SLMAP: variants seen among roughly 807,000 people sequenced by gnomAD.
SLMAP encodes sarcolemmal membrane-associated protein.
Under a neutral mutation model 128.8 loss-of-function variants are expected in SLMAP, and 44 were observed. The ratio of observed to expected loss-of-function variants is 0.34; its 90% confidence interval spans 0.27 to 0.44. SLMAP has a LOEUF of 0.44. SLMAP is among the 20% of genes least tolerant of loss of function. The probability of loss-of-function intolerance (pLI) is 1.00; values close to 1 mark genes in which losing one functional copy is unlikely to be tolerated. For synonymous variants in SLMAP, 327 were observed against 348.8 expected (o/e 0.94, Z 0.70); for missense variants, 787 against 985.3 (o/e 0.80, Z 2.69).
intron 6 of SLMAP, among the ~76,000 whole-genome samples, chr3:57,851,681 C>T (rs1417400046): frequency 2.0e-5 from 3 of 151,554 alleles, no homozygotes; most frequent in Non-Finnish European, 4.4e-5. Flanking sequence ...TTTTAGGTTT[C>T]ACCATGTTGG....
intron 14 of SLMAP, among the ~76,000 whole-genome samples, chr3:57,876,617 T>G (rs2095609056): frequency 6.6e-6 from 1 of 152,222 alleles, no homozygotes; most frequent in Non-Finnish European, 1.5e-5. Context: ...TCTCTGCAAA[T>G]TTTAGTTACT....
intron 2 of SLMAP, among the ~76,000 whole-genome samples, chr3:57,826,626 C>T (rs182794180): frequency 1.3e-5 from 2 of 152,262 alleles, no homozygotes; most frequent in African/African-American, 2.4e-5. Flanking sequence ...GCAGTTTTCC[C>T]TCAGTTTGGA....
chr3:57,820,527 A>G (rs1466656645), intron 2 of SLMAP, among the ~76,000 whole-genome samples: 1 of 152,108 alleles, frequency 6.6e-6, no homozygotes, highest in Non-Finnish European at 1.5e-5. Flanking sequence ...CGCCCCCACT[A>G]CCACCCCATC....
chr3:57,818,506 A>G (rs1051803180), intron 2 of SLMAP, among the ~76,000 whole-genome samples: 1 of 152,218 alleles, frequency 6.6e-6, no homozygotes, highest in African/African-American at 2.4e-5. Flanking sequence ...CATCTGCCTC[A>G]TGAGAGTGTT....
intron 23 of SLMAP, among the ~76,000 whole-genome samples, chr3:57,923,883 A>G (rs2096957745): frequency 3.3e-5 from 5 of 152,368 alleles, no homozygotes; most frequent in Admixed American, 2.6e-4. Flanking sequence ...TGCTAAAGAA[A>G]GTCTTAGTTT....
At chr3:57,758,363 C>T (rs1252088707) in intron 2 of SLMAP, among the ~76,000 whole-genome samples, 1 of 152,208 alleles carries the variant, frequency 6.6e-6, no homozygotes, top group Non-Finnish European at 1.5e-5. Flanking sequence ...AGGTTTGATA[C>T]ATACTTGCCC....
intron 14 of SLMAP, among the ~76,000 whole-genome samples, chr3:57,880,035 T>G (rs2095695573): frequency 1.3e-5 from 2 of 152,064 alleles, no homozygotes; most frequent in South Asian, 4.2e-4. Context: ...AGGGAAGGGC[T>G]TCCTCCCTGT....
intron 2 of SLMAP, among the ~76,000 whole-genome samples, chr3:57,805,884 C>T (rs911153915): frequency 6.6e-6 from 1 of 152,078 alleles, no homozygotes; most frequent in Non-Finnish European, 1.5e-5. Flanking sequence ...TTTCAAGTCC[C>T]CTCCCTACTT....
chr3:57,894,196 A>G (rs2096175799), intron 15 of SLMAP, among the ~76,000 whole-genome samples: 1 of 152,174 alleles, frequency 6.6e-6, no homozygotes, highest in Non-Finnish European at 1.5e-5. Flanking sequence ...GTAAATGTCC[A>G]CCATGTCCCT....
intron 2 of SLMAP, among the ~76,000 whole-genome samples, chr3:57,828,489 T>G (rs1025267675): frequency 2.0e-5 from 3 of 152,054 alleles, no homozygotes; most frequent in African/African-American, 7.2e-5. Flanking sequence ...TACAGAGGGT[T>G]AGGGGGATGA....
Position 57,831,365 on chromosome 3 carries a change from T to G in SLMAP, c.199-18T>G. ...CTATTAATATTTGGCCCTTTTTTGT[T>G]TTTGTTTTTTTTTGCAGTTTTATCT... is the stretch of plus-strand genomic sequence containing the variant. On this transcript the variant is annotated intron_variant, in intron 2 of 24. Coordinates refer to ENST00000671191, the MANE Select transcript of SLMAP (RefSeq NM_001377540.1). 1 of 1,463,642 alleles carries G rather than the reference T, an allele frequency of 6.8e-7. No homozygotes were observed. The highest frequency in any genetic ancestry group is 9.1e-7 in the Non-Finnish European group (1 of 1,095,602). 90.7% of individuals were successfully genotyped at this position (1,463,642 alleles called of 1,614,324 possible). A position where few individuals can be genotyped will look rare whatever the true frequency, so the allele number is the denominator to read the frequency against.
At chr3:57,922,430 T>C (rs1398576958) in intron 22 of SLMAP, among the ~76,000 whole-genome samples, 3 of 149,258 alleles carry the variant, frequency 2.0e-5, no homozygotes, top group African/African-American at 4.9e-5. Flanking sequence ...CTTTTCTTTT[T>C]TTTTTTTTTT....
chr3:57,835,855 A>G (rs2093614970), intron 3 of SLMAP, among the ~76,000 whole-genome samples: 1 of 152,164 alleles, frequency 6.6e-6, no homozygotes, highest in South Asian at 2.1e-4. Flanking sequence ...GTAACCATTT[A>G]CAGAAAGCAT....
intron 14 of SLMAP, among the ~76,000 whole-genome samples, chr3:57,885,368 C>A (rs554230635): frequency 6.6e-6 from 1 of 150,582 alleles, no homozygotes; most frequent in South Asian, 2.1e-4. Context: ...CTGCACCCAG[C>A]CAGCTTGTTT....
intron 2 of SLMAP, among the ~76,000 whole-genome samples, chr3:57,766,099 C>T (rs1253379807): frequency 8.1e-5 from 12 of 148,400 alleles, no homozygotes; most frequent in East Asian, 2.0e-4. Context: ...CCCGGGTTCA[C>T]GCCATTCTCC....
intron 3 of SLMAP, among the ~76,000 whole-genome samples, chr3:57,838,324 T>C (rs1238391662): frequency 6.6e-6 from 1 of 152,220 alleles, no homozygotes; most frequent in Non-Finnish European, 1.5e-5. Flanking sequence ...CTCTTCTGTC[T>C]TTTGCCTGGG....
intron 2 of SLMAP, among the ~76,000 whole-genome samples, chr3:57,767,275 T>C (rs554303400): frequency 6.6e-4 from 101 of 152,338 alleles, no homozygotes; most frequent in Non-Finnish European, 1.2e-3. Context: ...GCAAATGTAC[T>C]ACTGTCCCAT....
At chr3:57,783,553 G>A (rs1014296916) in intron 2 of SLMAP, among the ~76,000 whole-genome samples, 6 of 152,156 alleles carry the variant, frequency 3.9e-5, no homozygotes, top group Non-Finnish European at 8.8e-5. Flanking sequence ...GGAGAAAAAT[G>A]ACTTAAAGTT....
At chr3:57,875,868 A>G (rs564870689) in intron 14 of SLMAP, among the ~76,000 whole-genome samples, 4 of 152,364 alleles carry the variant, frequency 2.6e-5, no homozygotes, top group African/African-American at 9.6e-5. Flanking sequence ...AAGTATTTTT[A>G]ATATTATAAG....
Sources: allele counts gnomAD v4.1 joint callset (sites outside exome capture counted in the v4.1 genomes callset), GRCh38; gene constraint gnomAD v4.1.1; transcripts MANE v1.5; gene names NCBI Gene and HGNC (gene_info 2026-07-23, HGNC 2026-07-21).